Variants in ADCY2 observed in about 807,000 individuals in gnomAD.
ADCY2 encodes adenylate cyclase type 2.
ADCY2 carries 31 observed loss-of-function variants against 125.2 expected under a neutral mutation model. The observed-to-expected ratio is 0.25, with a 90% CI of 0.19 to 0.33. The LOEUF is 0.33. Among genes scored for constraint, ADCY2 ranks in the 10% least tolerant of loss-of-function variants. The pLI, the probability that ADCY2 is intolerant of heterozygous loss-of-function variation, is 1.00. For synonymous variants in ADCY2, 512 were observed against 548.4 expected, an observed-to-expected ratio of 0.93 and a Z score of 0.93; for missense variants, 904 against 1,418.2, an observed-to-expected ratio of 0.64 and a Z score of 5.82.
At chr5:7,607,317 G>C (rs549052823) in intron 3 of ADCY2, among the ~76,000 whole-genome samples, 3 of 152,292 alleles carry the variant, frequency 2.0e-5, no homozygotes, top group Admixed American at 2.0e-4. Context: ...CCCTCCACCT[G>C]AACTGTTTCT....
intron 24 of ADCY2, among the ~76,000 whole-genome samples, chr5:7,823,971 G>A (rs1177243773): frequency 6.6e-6 from 1 of 152,212 alleles, no homozygotes; most frequent in African/African-American, 2.4e-5. Context: ...CTGCCTGTCA[G>A]TAGGGAGCCA....
chr5:7,545,089 A>G (rs1735108383), intron 3 of ADCY2, among the ~76,000 whole-genome samples: 1 of 152,202 alleles, frequency 6.6e-6, no homozygotes, highest in Non-Finnish European at 1.5e-5. Flanking sequence ...TAATCTGGCC[A>G]GTGACATCTG....
Position 7,520,846 on chromosome 5 carries a change from C to G in ADCY2, c.517C>G (p.Leu173Val), listed in dbSNP as rs1744418812. 2 of 1,614,106 alleles carry G rather than the reference C, an allele frequency of 1.2e-6. No homozygotes were observed. The highest frequency in any genetic ancestry group is 1.7e-6 in the Non-Finnish European group (2 of 1,180,054). ...CACCTCCTCCTCCCACACCATCGTGCTTAGCGTCTGCCTGTCTGCAACACC... is the reference window on the plus strand; with the variant it reads ...CACCTCCTCCTCCCACACCATCGTGGTTAGCGTCTGCCTGTCTGCAACACC... ...VLTSSSHTIV[L>V]SVCLSATPGG... is the part of the protein sequence containing the mutation. The change falls in exon 3 of 25, where the codon CTT becomes GTT. Residue 173 changes from leucine to valine, a missense_variant. Around this residue, in one of 7 missense-constraint regions of ADCY2, gnomAD observed 121 missense variants for 161.5 expected, o/e 0.75. Transcript: ENST00000338316.
intron 20 of ADCY2, among the ~76,000 whole-genome samples, chr5:7,790,015 A>G (rs530049596): frequency 3.9e-5 from 6 of 152,236 alleles, no homozygotes; most frequent in Non-Finnish European, 7.3e-5. Flanking sequence ...AATGACCTCT[A>G]AAAGTCTGAG....
At chr5:7,457,927 C>CA (rs1185342513) in intron 2 of ADCY2, among the ~76,000 whole-genome samples, 3 of 152,152 alleles carry the variant, frequency 2.0e-5, no homozygotes, top group African/African-American at 4.8e-5. Flanking sequence ...ATAGCAGACA[C>CA]AAAAAAAGTA....
chr5:7,820,082 T>C (rs1267319263), intron 23 of ADCY2, among the ~76,000 whole-genome samples: 4 of 152,168 alleles, frequency 2.6e-5, no homozygotes, highest in Non-Finnish European at 5.9e-5. Context: ...CAGAAGTGTG[T>C]TTTCCTGAGT....
intron 3 of ADCY2, among the ~76,000 whole-genome samples, chr5:7,581,598 T>G (rs1736435107): frequency 1.3e-5 from 2 of 151,894 alleles, no homozygotes; most frequent in Admixed American, 1.3e-4. Context: ...AGTGGGCAGA[T>G]CACGAGGTCA....
intron 18 of ADCY2, among the ~76,000 whole-genome samples, chr5:7,777,045 A>G (rs1183975408): frequency 7.4e-6 from 1 of 135,742 alleles, no homozygotes; most frequent in Non-Finnish European, 1.6e-5. Flanking sequence ...TCTCGGTAAT[A>G]AACTCCCTTC....
chr5:7,512,086 T>A lies in ADCY2; in HGVS notation c.409-8652T>A, dbSNP rs139812350. On this transcript the variant is annotated intron_variant, in intron 2 of 24. Coordinates refer to ENST00000338316, the MANE Select transcript of ADCY2 (RefSeq NM_020546.3). ...ATATACAAACATTAGCCAGGCGTGG[T>A]GGTGCACACCTGTAATTCTAGCTAT... Among the ~76,000 whole-genome samples the A allele has an allele frequency of 1.8e-3, 267 of 151,458 alleles. 1 individual carries two copies. Among genetic ancestry groups the A allele is most frequent in the Middle Eastern group, 3.4e-3 (1 of 294 alleles).
At chr5:7,471,350 C>T (rs1233359166) in intron 2 of ADCY2, among the ~76,000 whole-genome samples, 1 of 151,632 alleles carries the variant, frequency 6.6e-6, no homozygotes, top group East Asian at 1.9e-4. Context: ...CTGCCTGTTT[C>T]TTGATTATTT....
chr5:7,666,429 C>T lies in ADCY2; in HGVS notation c.721-24262C>T, dbSNP rs557539258. On this transcript the variant is annotated intron_variant, in intron 4 of 24. Transcript: ENST00000338316. Reference sequence around the variant, plus strand: ...GACTACAGGCGCCCGCCACCACGCCCGGCTAATTTTTTATATTTTTAGTAG... The same window carrying T: ...GACTACAGGCGCCCGCCACCACGCCTGGCTAATTTTTTATATTTTTAGTAG... 1.1e-4 allele frequency among the ~76,000 whole-genome samples: 17 copies of T among 151,934 alleles called. No homozygotes were observed. The South Asian group carries it at 3.1e-3, about 28-fold the overall frequency.
Position 7,707,851 on chromosome 5 carries a change from G to A in ADCY2, c.1401+13G>A, listed in dbSNP as rs1175950696. ...GATCAACCCCAAGGTCAGTATCATT[G>A]TAAAGAGTCTATGATGAAAAGGGAG... On this transcript the variant is annotated intron_variant, in intron 9 of 24. Transcript: ENST00000338316. The A allele has an allele frequency of 1.9e-6, 3 of 1,612,324 alleles. No homozygotes were observed. Among genetic ancestry groups the A allele is most frequent in the African/African-American group, 1.3e-5 (1 of 74,888 alleles).
intron 2 of ADCY2, among the ~76,000 whole-genome samples, chr5:7,463,362 G>C (rs1028831761): frequency 1.5e-4 from 23 of 152,130 alleles, no homozygotes; most frequent in Non-Finnish European, 3.4e-4. Flanking sequence ...TGGTGCATAT[G>C]GTGTAGTGGT....
intron 14 of ADCY2, among the ~76,000 whole-genome samples, chr5:7,742,139 A>C (rs1403040353): frequency 6.6e-6 from 1 of 151,864 alleles, no homozygotes; most frequent in Non-Finnish European, 1.5e-5. Context: ...AAAAAAAAAA[A>C]AAAAACCTGT....
At chr5:7,582,954 G>T (rs1227462905) in intron 3 of ADCY2, among the ~76,000 whole-genome samples, 2 of 152,026 alleles carry the variant, frequency 1.3e-5, no homozygotes, top group African/African-American at 4.8e-5. Flanking sequence ...AAAATTCTAA[G>T]AATTTGATTA....
chr5:7,595,536 C>A (rs979824575), intron 3 of ADCY2, among the ~76,000 whole-genome samples: 1 of 152,094 alleles, frequency 6.6e-6, no homozygotes, highest in Non-Finnish European at 1.5e-5. Context: ...ATCTTCTTGT[C>A]GGAGAGAGAA....
intron 4 of ADCY2, among the ~76,000 whole-genome samples, chr5:7,641,304 CTATCTA>C (rs1468988632): frequency 1.3e-5 from 2 of 152,134 alleles, no homozygotes; most frequent in African/African-American, 2.4e-5. Flanking sequence ...CTACAAATCT[CTATCTA>C]TATTTATTGT....
At position 7,632,291 on chromosome 5, in the gene ADCY2, G is replaced by A. The variant is rs572025483; in HGVS notation, c.720+5975G>A. On this transcript the variant is annotated intron_variant, in intron 4 of 24. Transcript: ENST00000338316. Reference sequence around the variant, plus strand: ...CAGACCATTAATTAAACTCTTCCACGCCCCCTGCTTATGTTTTTGAGATCT... The same window carrying A: ...CAGACCATTAATTAAACTCTTCCACACCCCCTGCTTATGTTTTTGAGATCT... Among the ~76,000 whole-genome samples the A allele has an allele frequency of 6.2e-5, 9 of 144,308 alleles. No homozygotes were observed. The South Asian group carries it at 2.0e-3, about 32-fold the overall frequency. 94.7% of individuals were successfully genotyped at this position (144,308 alleles called of 152,430 possible). A position where few individuals can be genotyped will look rare whatever the true frequency, so the allele number is the denominator to read the frequency against.
intron 1 of ADCY2, among the ~76,000 whole-genome samples, chr5:7,404,630 C>T (rs1052074873): frequency 6.6e-6 from 1 of 152,210 alleles, no homozygotes; most frequent in Non-Finnish European, 1.5e-5. Context: ...AGTGACACAT[C>T]ACTTTCATTC....
Sources: gnomAD v4.1 joint callset for allele counts (sites outside exome capture counted in the v4.1 genomes callset) on GRCh38, gnomAD v4.1.1 for gene constraint, gnomAD v4.1.1 regional missense constraint, MANE v1.5 for transcripts, NCBI Gene and HGNC (gene_info 2026-07-23, HGNC 2026-07-21) for gene names.